SLC9A7: variants seen among roughly 807,000 people sequenced by gnomAD.
SLC9A7 encodes solute carrier family 9 member A7, also known as sodium/hydrogen exchanger 7.
In SLC9A7, 19 loss-of-function variants were observed where a neutral mutation model predicts 52.6. That is an observed-to-expected ratio of 0.36 (90% CI 0.25 to 0.53). The LOEUF (loss-of-function observed/expected upper bound fraction) is 0.53. Among genes scored for constraint, SLC9A7 ranks in the 20% least tolerant of loss-of-function variants. The pLI, the probability that SLC9A7 is intolerant of heterozygous loss-of-function variation, is 0.91. For missense variants in SLC9A7, 455 were observed against 597.9 expected, an observed-to-expected ratio of 0.76 and a Z score of 2.49; for synonymous variants, 226 against 252.1, an observed-to-expected ratio of 0.90 and a Z score of 0.98.
intron 5 of SLC9A7, among the ~76,000 whole-genome samples, chrX:46,665,249 G>C (rs1275821288): frequency 9.0e-6 from 1 of 111,302 alleles, no homozygotes; most frequent in Admixed American, 9.6e-5. Flanking sequence ...ACTAACTAAA[G>C]ATCACTGGGT....
intron 1 of SLC9A7, among the ~76,000 whole-genome samples, chrX:46,737,019 T>A (rs1333156372): frequency 8.9e-6 from 1 of 111,834 alleles, no homozygotes; most frequent in Non-Finnish European, 1.9e-5. Flanking sequence ...CTACCAGGCA[T>A]TCATTTCCTT....
At position 46,602,614 on chromosome X, in the gene SLC9A7, C is replaced by T. The variant is rs1942677480; in HGVS notation, c.*4338G>A. On this transcript the variant is annotated 3_prime_UTR_variant, in exon 17 of 17. Coordinates refer to ENST00000616978, the MANE Select transcript of SLC9A7 (RefSeq NM_001257291.2). ...CCTAATTCACAGCCAGGGTTGAGAA[C>T]CTCTGCTCTAGAACATCGGACTCGG... is the stretch of plus-strand genomic sequence containing the variant. The T allele has an allele frequency of 8.9e-6, 1 of 112,562 alleles. No individual in the cohort carries two copies. The highest frequency in any genetic ancestry group is 3.2e-5 in the African/African-American group (1 of 30,993). 9.3% of individuals were successfully genotyped at this position (112,562 alleles called of 1,213,427 possible).
intron 13 of SLC9A7, 31 bp from the exon 14 acceptor site, chrX:46,631,680 A>G (rs370742278): frequency 8.8e-7 from 1 of 1,142,551 alleles, no homozygotes; most frequent in Non-Finnish European, 1.2e-6. Context: ...AGACAAAGAG[A>G]AAAACAGAGC....
intron 15 of SLC9A7, among the ~76,000 whole-genome samples, chrX:46,616,124 C>T (rs1448710754): frequency 9.5e-6 from 1 of 105,579 alleles, no homozygotes; most frequent in East Asian, 2.9e-4. Flanking sequence ...AATTCAAGAC[C>T]AGCCTGGGCA....
intron 1 of SLC9A7, chrX:46,684,650 A>C (rs1193007674): frequency 8.9e-6 from 1 of 112,920 alleles, no homozygotes; most frequent in Admixed American, 9.4e-5. Flanking sequence ...TAAGGTCTTC[A>C]GAACCAATCT....
intron 3 of SLC9A7, among the ~76,000 whole-genome samples, chrX:46,676,711 C>T (rs1313425557): frequency 1.8e-5 from 2 of 111,784 alleles, no homozygotes. Flanking sequence ...TAAAAAATAA[C>T]GTTATTTATA....
Position 46,599,605 on chromosome X carries a change from G to A in SLC9A7, c.*7347C>T, listed in dbSNP as rs1048268597. 7 of 111,868 alleles carry A rather than the reference G, an allele frequency of 6.3e-5. No homozygotes were observed. Among genetic ancestry groups the A allele is most frequent in the African/African-American group, 2.3e-4 (7 of 30,788 alleles). The allele number at this position is 111,868 out of a possible 1,213,427, so 9.2% of individuals were successfully genotyped here. A position where few individuals can be genotyped will look rare whatever the true frequency, so the allele number is the denominator to read the frequency against. ...CAATAGCAATCTAAACATACACAAAGGCAAACATTGAGTAAAATGCTAGGG... is the reference window on the plus strand; with the variant it reads ...CAATAGCAATCTAAACATACACAAAAGCAAACATTGAGTAAAATGCTAGGG... On this transcript the variant is annotated 3_prime_UTR_variant, in exon 17 of 17. Transcript: ENST00000616978.
At chrX:46,757,166 C>A (rs1409004016) in intron 1 of SLC9A7, among the ~76,000 whole-genome samples, 1 of 111,630 alleles carries the variant, frequency 9.0e-6, no homozygotes, top group African/African-American at 3.3e-5. Flanking sequence ...CTGCAATGAC[C>A]ACGTGCTTCA....
chrX:46,714,426 C>G (rs1298526653), intron 1 of SLC9A7, among the ~76,000 whole-genome samples: 2 of 111,318 alleles, frequency 1.8e-5, no homozygotes, highest in Non-Finnish European at 1.9e-5. Context: ...CCAAACCTCC[C>G]CTCAACACAG....
At chrX:46,666,032 G>A (rs777259944) in intron 5 of SLC9A7, among the ~76,000 whole-genome samples, 1 of 111,892 alleles carries the variant, frequency 8.9e-6, no homozygotes, top group East Asian at 2.8e-4. Context: ...CTCAAGCCAA[G>A]TACAGTAATC....
Position 46,653,717 on chromosome X carries a change from TG to T in SLC9A7, c.1042-4del, listed in dbSNP as rs756540742. On this transcript the variant is annotated splice_region_variant and splice_polypyrimidine_tract_variant and intron_variant, in intron 7 of 16. Transcript: ENST00000616978. The stretch of plus-strand genomic sequence containing the variant: ...TGCAGTTTGGTAAACTTAGTCACGT[TG>T]GCATTCTGTCAAGGACCCTGTCTCC... 7 of 1,198,749 alleles carry T rather than the reference TG, an allele frequency of 5.8e-6. No homozygotes were observed. The South Asian group carries it at 1.2e-4, about 21-fold the overall frequency.
intron 15 of SLC9A7, among the ~76,000 whole-genome samples, chrX:46,618,970 A>G (rs1489115772): frequency 9.1e-6 from 1 of 110,494 alleles, no homozygotes; most frequent in Non-Finnish European, 1.9e-5. Flanking sequence ...TGAAAAGGCA[A>G]GTTACAAAGT....
intron 15 of SLC9A7, among the ~76,000 whole-genome samples, chrX:46,618,943 C>CA (rs34008582): frequency 3.9e-4 from 33 of 84,282 alleles, no homozygotes; most frequent in East Asian, 2.5e-3. Flanking sequence ...GACTCTGTCT[C>CA]AAAAAAAAAA....
In SLC9A7 at chrX:46,723,176, G is replaced by A. The variant is rs1383590705; in HGVS notation, c.325+35529C>T. On this transcript the variant is annotated intron_variant, in intron 1 of 16. Coordinates refer to ENST00000616978, the MANE Select transcript of SLC9A7 (RefSeq NM_001257291.2). ...TATATAACAGGTGGACTTCATGTAA[G>A]GATTAATATAATGATTCATGTAATA... Among the ~76,000 whole-genome samples the A allele has an allele frequency of 7.4e-5, 8 of 108,194 alleles. No homozygotes were observed. The Admixed American group carries it at 8.0e-4, about 11-fold the overall frequency. The allele number at this position is 108,194 out of a possible 115,157, so 94.0% of individuals were successfully genotyped here. A position where few individuals can be genotyped will look rare whatever the true frequency, so the allele number is the denominator to read the frequency against.
intron 11 of SLC9A7, among the ~76,000 whole-genome samples, chrX:46,647,644 T>C (rs1255071784): frequency 8.9e-6 from 1 of 112,927 alleles, no homozygotes; most frequent in Admixed American, 9.3e-5. Context: ...TGAAGGAGGC[T>C]GGTCTTTGCA....
chrX:46,668,519 A>G (rs1943960536), intron 5 of SLC9A7, among the ~76,000 whole-genome samples: 1 of 111,538 alleles, frequency 9.0e-6, no homozygotes, highest in Non-Finnish European at 1.9e-5. Context: ...AAAACAAAAC[A>G]AAACAAAAAA....
chrX:46,695,834 T>C (rs895380606), intron 1 of SLC9A7, among the ~76,000 whole-genome samples: 2 of 110,501 alleles, frequency 1.8e-5, no homozygotes, highest in African/African-American at 6.6e-5. Context: ...AGATAGAGGC[T>C]GAACTACACT....
At chrX:46,700,919 C>T (rs746322676) in intron 1 of SLC9A7, among the ~76,000 whole-genome samples, 7 of 111,384 alleles carry the variant, frequency 6.3e-5, no homozygotes, top group Non-Finnish European at 9.4e-5. Context: ...TTTCTTTTTC[C>T]CTCTTCCCAC....
intron 1 of SLC9A7, among the ~76,000 whole-genome samples, chrX:46,688,323 C>T (rs963621231): frequency 9.0e-6 from 1 of 111,535 alleles, no homozygotes; most frequent in African/African-American, 3.3e-5. Context: ...GTTGGCCGGG[C>T]GCAGTGGCTC....
Sources: gnomAD v4.1 joint callset for allele counts (sites outside exome capture counted in the v4.1 genomes callset) on GRCh38, gnomAD v4.1.1 for gene constraint, MANE v1.5 for transcripts, NCBI Gene and HGNC (gene_info 2026-07-23, HGNC 2026-07-21) for gene names.